The following GLB1 variants were observed in gnomAD, a reference collection of about 807,000 sequenced individuals.
The protein encoded by GLB1 is beta-galactosidase.
A neutral mutation model predicts 74.0 loss-of-function variants in GLB1; 56 were observed. That is an observed-to-expected ratio of 0.76 (90% CI 0.61 to 0.94). The LOEUF is 0.94. Ranked by LOEUF, GLB1 falls within the 40% of genes least tolerant of loss-of-function variation. GLB1 has a pLI of 0.00. For missense variants in GLB1, 787 were observed against 845.5 expected, an observed-to-expected ratio of 0.93 and a Z score of 0.86; for synonymous variants, 323 against 323.6, an observed-to-expected ratio of 1.00 and a Z score of 0.02.
At chr3:32,991,971 G>A (rs1696229599), downstream of GLB1, among the ~76,000 whole-genome samples, 1 of 152,236 alleles carries the variant, frequency 6.6e-6, no homozygotes, top group Admixed American at 6.5e-5. Flanking sequence ...AGCACACATT[G>A]CAACCCATGA....
chr3:33,021,354 G>A (rs1697470814), intron 12 of GLB1: 1 of 605,494 alleles, frequency 1.7e-6, no homozygotes, highest in African/African-American at 1.9e-5. Context: ...GTATGAGTGA[G>A]AAGAAGTGGG....
At chr3:32,983,202 CT>C in the GLB1 span, among the ~76,000 whole-genome samples, 1 of 152,184 alleles carries the variant, frequency 6.6e-6, no homozygotes, top group Non-Finnish European at 1.5e-5. Flanking sequence ...TCTACTTCAT[CT>C]TATCTTCTCC....
the GLB1 span, among the ~76,000 whole-genome samples, chr3:32,979,617 C>T: frequency 1.3e-5 from 2 of 151,214 alleles, no homozygotes; most frequent in Non-Finnish European, 2.9e-5. Flanking sequence ...CTTTGGGAGG[C>T]CAAGATGGGA....
intron 11 of GLB1, among the ~76,000 whole-genome samples, chr3:33,023,768 C>A (rs1697609675): frequency 1.3e-5 from 2 of 152,174 alleles, no homozygotes; most frequent in African/African-American, 4.8e-5. Context: ...CCAGTGTCCC[C>A]ATTTAACGTA....
intron 15 of GLB1, among the ~76,000 whole-genome samples, chr3:32,998,716 G>C (rs933076340): frequency 1.4e-4 from 22 of 152,040 alleles, no homozygotes; most frequent in African/African-American, 5.1e-4. Context: ...AGGGAGGCAG[G>C]AAAGAAACTG....
At chr3:33,019,223 T>C (rs963036352) in intron 12 of GLB1, among the ~76,000 whole-genome samples, 2 of 152,198 alleles carry the variant, frequency 1.3e-5, no homozygotes, top group Admixed American at 1.3e-4. Flanking sequence ...AGAGACTAGA[T>C]TGTAACCAAC....
rs752226641 is a variant in GLB1, at chr3:32,997,200, T to G, written c.1879A>C (p.Ser627Arg). Residue 627 changes from serine (S) to arginine (R), a missense_variant, in exon 16 of 16, where the codon AGC becomes CGC. Physicochemically the swap from Ser to Arg is moderately radical, Grantham distance 110 (BLOSUM62 -1). Transcript: ENST00000307363. ...GCACATAGTTCTGGATCATCACTGC[T>G]GCAGGGTGCCCACTCCAGTTCCAGC... ...TVLELEWAPC[S>R]SDDPELCAVT... 3.4e-5 allele frequency: 55 copies of G among 1,614,092 alleles called. No individual in the cohort carries two copies. The highest frequency in any genetic ancestry group is 4.5e-5 in the Non-Finnish European group (53 of 1,180,052).
intron 1 of GLB1, among the ~76,000 whole-genome samples, chr3:33,083,559 T>C (rs1368189367): frequency 6.6e-6 from 1 of 152,188 alleles, no homozygotes; most frequent in Non-Finnish European, 1.5e-5. Context: ...GGCGCAGGAA[T>C]GCAATACTGA....
chr3:33,093,802 G>A lies in GLB1; in HGVS notation c.75+3209C>T, dbSNP rs1461377912. 3 of 1,613,548 alleles carry A rather than the reference G, an allele frequency of 1.9e-6. No individual in the cohort carries two copies. The highest frequency in any genetic ancestry group is 2.5e-6 in the Non-Finnish European group (3 of 1,179,720). On this transcript the variant is annotated intron_variant, in intron 1 of 15. Coordinates refer to ENST00000307363, the MANE Select transcript of GLB1 (RefSeq NM_000404.4). The surrounding 1 kb of genome is among the most constrained non-coding windows in gnomAD (Gnocchi z 6.0). ...TGCTCCATGCCGCTGAGGATGAAGAGGAAGAAGAGCATGATGATGTAAGCA... is the reference window on the plus strand; with the variant it reads ...TGCTCCATGCCGCTGAGGATGAAGAAGAAGAAGAGCATGATGATGTAAGCA...
At chr3:33,028,260 T>C (rs565235989) in intron 10 of GLB1, among the ~76,000 whole-genome samples, 2 of 152,314 alleles carry the variant, frequency 1.3e-5, no homozygotes, top group South Asian at 2.1e-4. Context: ...CTAAGTAATA[T>C]ATGTGTACTG....
At chr3:33,051,239 A>G (rs1400112542) in intron 9 of GLB1, among the ~76,000 whole-genome samples, 1 of 149,898 alleles carries the variant, frequency 6.7e-6, no homozygotes, top group Admixed American at 6.6e-5. Context: ...GTCTCAAAAA[A>G]AAAAAAAAAA....
rs146909546 is a variant in GLB1 at position 33,060,706 on chromosome 3, G to C, written c.553-2437C>G. On this transcript the variant is annotated intron_variant, in intron 5 of 15. Transcript: ENST00000307363. Reference sequence around the variant, plus strand: ...AAAATGCGTACACATAATTTGGTTAGGTTTTGAGAGAGCGAGAAAAGCACA... The same window carrying C: ...AAAATGCGTACACATAATTTGGTTACGTTTTGAGAGAGCGAGAAAAGCACA... Among the ~76,000 whole-genome samples the C allele has an allele frequency of 1.4e-3, 210 of 152,292 alleles. 1 individual carries two copies. Among genetic ancestry groups the C allele is most frequent in the Admixed American group, 2.2e-3 (33 of 15,298 alleles).
At chr3:32,983,299 T>C in the GLB1 span, among the ~76,000 whole-genome samples, 1 of 152,200 alleles carries the variant, frequency 6.6e-6, no homozygotes, top group South Asian at 2.1e-4. Flanking sequence ...TTCCTTTTTG[T>C]TTGTTTTCTA....
In GLB1 at chr3:33,093,452, G is replaced by T; in HGVS notation, c.75+3559C>A. On this transcript the variant is annotated intron_variant, in intron 1 of 15. Transcript: ENST00000307363. This position sits in a 1 kb window ranked among gnomAD's most constrained non-coding sequence, Gnocchi z 6.0. ...TCCGCAGGACCGAGGCTTCTGAGTC[G>T]GAGAGGTCACCCACAATCACCGTGA... is the stretch of plus-strand genomic sequence containing the variant. The T allele has an allele frequency of 1.9e-6, 3 of 1,614,070 alleles. No homozygotes were observed. The highest frequency in any genetic ancestry group is 2.5e-6 in the Non-Finnish European group (3 of 1,180,030).
intron 10 of GLB1, chr3:33,034,606 C>A (rs952726547): frequency 5.6e-6 from 4 of 718,252 alleles, no homozygotes; most frequent in Admixed American, 1.9e-5. Context: ...TATGGTCTCC[C>A]AAATTGCTGC....
At chr3:32,978,954 A>T in the GLB1 span, among the ~76,000 whole-genome samples, 1 of 118,142 alleles carries the variant, frequency 8.5e-6, no homozygotes, top group Non-Finnish European at 1.8e-5. Context: ...TATTTTTAGT[A>T]GAGACAATAT....
At chr3:33,052,106 A>G (rs561001930) in intron 7 of GLB1, 102 bp from the exon 8 acceptor site, 1 of 1,589,458 alleles carries the variant, frequency 6.3e-7, no homozygotes. Flanking sequence ...AAGGGGGTTG[A>G]CATGCTGACA....
intron 10 of GLB1, among the ~76,000 whole-genome samples, chr3:33,032,659 G>A (rs1698100647): frequency 6.6e-6 from 1 of 152,112 alleles, no homozygotes; most frequent in Non-Finnish European, 1.5e-5. Flanking sequence ...CTGGCCTCAA[G>A]TGAACCTCCC....
chr3:32,978,456 T>C, the GLB1 span, among the ~76,000 whole-genome samples: 1 of 152,174 alleles, frequency 6.6e-6, no homozygotes, highest in Non-Finnish European at 1.5e-5. Flanking sequence ...CGTGGACTCC[T>C]GTAGCAGAGG....
Sources: allele counts gnomAD v4.1 joint callset (sites outside exome capture counted in the v4.1 genomes callset), GRCh38; gene constraint gnomAD v4.1.1; non-coding constraint Gnocchi (gnomAD v3.1); transcripts MANE v1.5; gene names NCBI Gene and HGNC (gene_info 2026-07-23, HGNC 2026-07-21).